KCNIP4: variants seen among roughly 807,000 people sequenced by gnomAD.
KCNIP4 encodes the protein potassium voltage-gated channel interacting protein 4, also known as Kv channel-interacting protein 4.
A neutral mutation model predicts 34.0 loss-of-function variants in KCNIP4; 12 were observed. The observed-to-expected ratio is 0.35, with a 90% CI of 0.23 to 0.57. The LOEUF is 0.57. KCNIP4 is among the 20% of genes least tolerant of loss of function. KCNIP4 has a pLI of 0.83. For missense variants in KCNIP4, 238 were observed against 311.7 expected (o/e 0.76, Z 1.78); for synonymous variants, 124 against 102.2 (o/e 1.21, Z -1.29).
In KCNIP4 at chr4:20,892,989, G is replaced by T. The variant is rs114635095; in HGVS notation, c.62-10280C>A. 8.8e-3 allele frequency among the ~76,000 whole-genome samples: 1,339 copies of T among 152,188 alleles called. 18 individuals carry two copies. Among genetic ancestry groups the T allele is most frequent in the African/African-American group, 0.03 (1,264 of 41,516 alleles). ...ATTATCTGGAGTTCCTTATAAATAG[G>T]GTGACAAGACCTTCGTTTGTCCAGG... is the stretch of plus-strand genomic sequence containing the variant. On this transcript the variant is annotated intron_variant, in intron 1 of 8. Transcript: ENST00000382152.
chr4:21,864,255 A>G (rs760430372), intron 1 of KCNIP4, among the ~76,000 whole-genome samples: 10 of 152,246 alleles, frequency 6.6e-5, no homozygotes, highest in Admixed American at 1.3e-4. Context: ...ATTCTGCATA[A>G]ACCCAAAATA....
In KCNIP4 at chr4:21,209,517, C is replaced by T. The variant is rs377392544; in HGVS notation, c.62-326808G>A. Among the ~76,000 whole-genome samples the T allele has an allele frequency of 9.2e-5, 14 of 152,160 alleles. No homozygotes were observed. The East Asian group carries it at 2.1e-3, about 23-fold the overall frequency. On this transcript the variant is annotated intron_variant, in intron 1 of 8. Transcript: ENST00000382152. ...AGAACTTTCTGTTCCTGGTTTATTT[C>T]ACTTAATATGATGCCCTTCAGTTCC...
At chr4:21,624,278 G>T (rs1382872364) in intron 1 of KCNIP4, among the ~76,000 whole-genome samples, 3 of 152,090 alleles carry the variant, frequency 2.0e-5, no homozygotes, top group African/African-American at 4.8e-5. Context: ...GAAGTTCATA[G>T]AGAATTTTCA....
chr4:20,767,623 T>C (rs1755529252), intron 3 of KCNIP4, among the ~76,000 whole-genome samples: 1 of 152,198 alleles, frequency 6.6e-6, no homozygotes, highest in Non-Finnish European at 1.5e-5. Context: ...TGCAGTGGTA[T>C]GCAAATCACA....
chr4:21,522,012 G>A (rs1042716236), intron 1 of KCNIP4, among the ~76,000 whole-genome samples: 3 of 152,142 alleles, frequency 2.0e-5, no homozygotes, highest in Non-Finnish European at 4.4e-5. Flanking sequence ...GGGTGATGGG[G>A]AAACATAGCA....
At position 21,773,759 on chromosome 4, in the gene KCNIP4, G is replaced by GTTTTTTT. The variant is rs1560704204; in HGVS notation, c.61+174811_61+174812insAAAAAAA. Among the ~76,000 whole-genome samples, 182 of 58,350 alleles carry GTTTTTTT rather than the reference G, an allele frequency of 3.1e-3. 2 individuals carry two copies. Among genetic ancestry groups the GTTTTTTT allele is most frequent in the African/African-American group, 0.013 (171 of 12,756 alleles). 38.3% of individuals were successfully genotyped at this position (58,350 alleles called of 152,430 possible). The stretch of plus-strand genomic sequence containing the variant: ...TTTTTTTTGTTGTTTTTTTTTTTTT[G>GTTTTTTT]TTTGTTTGTTTTTGTTTTGTTTACC... On this transcript the variant is annotated intron_variant, in intron 1 of 8. Coordinates refer to ENST00000382152, the MANE Select transcript of KCNIP4 (RefSeq NM_025221.6).
At chr4:21,257,067 T>C (rs761625365) in intron 1 of KCNIP4, among the ~76,000 whole-genome samples, 34 of 152,160 alleles carry the variant, frequency 2.2e-4, no homozygotes, top group Non-Finnish European at 4.8e-4. Flanking sequence ...TAAATAAACA[T>C]TTGTTGAATT....
intron 1 of KCNIP4, among the ~76,000 whole-genome samples, chr4:21,584,416 T>C (rs1379694278): frequency 2.0e-5 from 3 of 152,084 alleles, no homozygotes; most frequent in Non-Finnish European, 4.4e-5. Flanking sequence ...AGAATTTGCA[T>C]ACCATAACAG....
chr4:21,448,353 A>C (rs1728215517), intron 1 of KCNIP4, among the ~76,000 whole-genome samples: 1 of 152,128 alleles, frequency 6.6e-6, no homozygotes, highest in Admixed American at 6.6e-5. Flanking sequence ...TCAAAAGAAA[A>C]TGAGAAACAT....
At chr4:20,936,135 G>A (rs1478165905) in intron 1 of KCNIP4, among the ~76,000 whole-genome samples, 1 of 151,912 alleles carries the variant, frequency 6.6e-6, no homozygotes, top group East Asian at 1.9e-4. Context: ...CTATTGAACT[G>A]TTATTCAAAG....
At chr4:20,988,332 C>T (rs976802464) in intron 1 of KCNIP4, among the ~76,000 whole-genome samples, 8 of 152,174 alleles carry the variant, frequency 5.3e-5, no homozygotes, top group Admixed American at 1.3e-4. Context: ...ACTCCAAGGA[C>T]GCATGTCCAA....
At chr4:21,655,299 G>T (rs563387620) in intron 1 of KCNIP4, among the ~76,000 whole-genome samples, 3 of 152,148 alleles carry the variant, frequency 2.0e-5, no homozygotes, top group African/African-American at 7.2e-5. Context: ...AATCTGCAAT[G>T]CAAGCCAAAG....
chr4:21,120,304 C>T (rs1031573043), intron 1 of KCNIP4, among the ~76,000 whole-genome samples: 1 of 152,192 alleles, frequency 6.6e-6, no homozygotes, highest in African/African-American at 2.4e-5. Context: ...AATCTGTTTT[C>T]TCAGTTCTGG....
intron 3 of KCNIP4, among the ~76,000 whole-genome samples, chr4:20,763,001 C>T (rs1260841889): frequency 6.6e-6 from 1 of 152,072 alleles, no homozygotes; most frequent in Non-Finnish European, 1.5e-5. Context: ...CTTATAAAAC[C>T]ATCATAACTC....
At chr4:21,232,158 A>G (rs1001510311) in intron 1 of KCNIP4, among the ~76,000 whole-genome samples, 1 of 152,082 alleles carries the variant, frequency 6.6e-6, no homozygotes, top group Non-Finnish European at 1.5e-5. Flanking sequence ...GTTTTTGTTC[A>G]TTTCCCTGGT....
At chr4:21,351,615 G>T (rs1471085651) in intron 1 of KCNIP4, among the ~76,000 whole-genome samples, 4 of 152,040 alleles carry the variant, frequency 2.6e-5, no homozygotes, top group Non-Finnish European at 2.9e-5. Flanking sequence ...CTATATTTTG[G>T]AATAGGGCAT....
At chr4:20,809,958 G>T (rs1256191397) in intron 3 of KCNIP4, among the ~76,000 whole-genome samples, 3 of 152,140 alleles carry the variant, frequency 2.0e-5, no homozygotes, top group Non-Finnish European at 4.4e-5. Flanking sequence ...TTTAGGGCAG[G>T]TACTCAGAGG....
chr4:21,178,564 C>G (rs2109315789), intron 1 of KCNIP4, among the ~76,000 whole-genome samples: 2 of 148,220 alleles, frequency 1.3e-5, no homozygotes, highest in Middle Eastern at 6.8e-3. Flanking sequence ...TGGAGTCCTA[C>G]TTTTTGGGGT....
At chr4:20,739,367 C>T (rs538581882) in intron 5 of KCNIP4, among the ~76,000 whole-genome samples, 3 of 152,236 alleles carry the variant, frequency 2.0e-5, no homozygotes, top group Admixed American at 6.5e-5. Flanking sequence ...AGCCAGGTGC[C>T]CCTCTAAGAC....
Sources: gnomAD v4.1 joint callset for allele counts (sites outside exome capture counted in the v4.1 genomes callset) on GRCh38, gnomAD v4.1.1 for gene constraint, MANE v1.5 for transcripts, NCBI Gene and HGNC (gene_info 2026-07-23, HGNC 2026-07-21) for gene names.